XPO6: variants seen among roughly 807,000 people sequenced by gnomAD.
XPO6 encodes the protein exportin 6, also known as exportin-6.
XPO6 carries 3 observed loss-of-function variants against 130.0 expected under a neutral mutation model. That is an observed-to-expected ratio of 0.02 (90% confidence interval 0.01 to 0.06). The LOEUF is 0.06. Ranked by LOEUF, XPO6 falls within the 10% of genes least tolerant of loss-of-function variation. The pLI, the probability that XPO6 is intolerant of heterozygous loss-of-function variation, is 1.00. For missense variants in XPO6, 970 were observed against 1,393.0 expected, an observed-to-expected ratio of 0.70 and a Z score of 4.83; for synonymous variants, 524 against 548.9, an observed-to-expected ratio of 0.95 and a Z score of 0.63.
chr16:28,194,837 A>G (rs2043834206), intron 1 of XPO6, among the ~76,000 whole-genome samples: 1 of 151,720 alleles, frequency 6.6e-6, no homozygotes, highest in African/African-American at 2.4e-5. Flanking sequence ...ACCTGGCCCT[A>G]ACCTAGCTGA....
intron 17 of XPO6, among the ~76,000 whole-genome samples, chr16:28,109,236 G>A (rs2086857338): frequency 6.6e-6 from 1 of 151,804 alleles, no homozygotes; most frequent in South Asian, 2.1e-4. Context: ...AGGAGAATGG[G>A]GTGGGTAACT....
chr16:28,110,046 A>AT (rs3214135), intron 17 of XPO6, among the ~76,000 whole-genome samples: 47 of 150,194 alleles, frequency 3.1e-4, no homozygotes, highest in Admixed American at 2.0e-3. Context: ...TAGGTTTGGA[A>AT]TTTTTTTTTT....
intron 5 of XPO6, 140 bp downstream of exon 5, chr16:28,169,610 G>T: frequency 9.9e-7 from 1 of 1,009,302 alleles, no homozygotes; most frequent in Non-Finnish European, 1.5e-6. Context: ...CTGGGCTATA[G>T]GTGTTGGGAA....
chr16:28,140,006 C>T (rs1343727726), intron 9 of XPO6, among the ~76,000 whole-genome samples: 2 of 152,000 alleles, frequency 1.3e-5, no homozygotes, highest in Non-Finnish European at 2.9e-5. Context: ...CCAAGGCAGG[C>T]GGATCACCTG....
intron 1 of XPO6, among the ~76,000 whole-genome samples, chr16:28,197,346 A>T (rs2043880967): frequency 6.6e-6 from 1 of 152,212 alleles, no homozygotes. Context: ...TATTTCTAAT[A>T]CATTAATGTA....
At chr16:28,153,552 C>G in intron 7 of XPO6, 1 of 985,398 alleles carries the variant, frequency 1.0e-6, no homozygotes, top group Non-Finnish European at 1.2e-6. Context: ...AATCATTTCA[C>G]AGAAGAGTAT....
At chr16:28,183,458 C>G (rs1335642708) in intron 1 of XPO6, 1 of 145,948 alleles carries the variant, frequency 6.9e-6, no homozygotes, top group Non-Finnish European at 1.5e-5. Flanking sequence ...AACCCAGATG[C>G]ATTTTCCCAT....
At chr16:28,159,989 A>G (rs1242156963) in intron 6 of XPO6, among the ~76,000 whole-genome samples, 1 of 150,698 alleles carries the variant, frequency 6.6e-6, no homozygotes, top group Admixed American at 6.6e-5. Context: ...AATTCGAGAC[A>G]AGCCCGGCCA....
At chr16:28,125,892 C>T (rs915134255) in intron 12 of XPO6, 44 bp from the exon 13 acceptor site, 1 of 1,592,488 alleles carries the variant, frequency 6.3e-7, no homozygotes, top group South Asian at 1.1e-5. Context: ...GAAGACCACG[C>T]TTTAGATACT....
chr16:28,159,160 G>C (rs968304217), intron 6 of XPO6, among the ~76,000 whole-genome samples: 3 of 152,068 alleles, frequency 2.0e-5, no homozygotes, highest in African/African-American at 7.2e-5. Context: ...AGCCCGGGGA[G>C]GTCAAGGCTG....
rs140008518 is a variant in XPO6, at chr16:28,115,520, T to C, written c.2004+1798A>G. Among the ~76,000 whole-genome samples, 1,501 of 152,352 alleles carry C rather than the reference T, an allele frequency of 9.9e-3. 31 individuals carry two copies. Among genetic ancestry groups the C allele is most frequent in the African/African-American group, 0.034 (1,428 of 41,576 alleles). ...TTAAAATATTCAGTAAACCATGATG[T>C]AAACAGATGTGCTGTCATTCAGGCT... is the stretch of plus-strand genomic sequence containing the variant. On this transcript the variant is annotated intron_variant, in intron 15 of 23. Transcript: ENST00000304658.
chr16:28,153,328 AT>A (rs2043127388), intron 7 of XPO6: 1 of 985,578 alleles, frequency 1.0e-6, no homozygotes, highest in Admixed American at 6.1e-5. Context: ...TCTAAAAGTG[AT>A]TTCAAATATA....
chr16:28,203,274 T>C (rs1211005238), intron 1 of XPO6, among the ~76,000 whole-genome samples: 1 of 123,800 alleles, frequency 8.1e-6, no homozygotes, highest in Non-Finnish European at 1.7e-5. Context: ...AGACCCCATC[T>C]CAAAAAAAAA....
chr16:28,112,015 G>T lies in XPO6; in HGVS notation c.2152-9C>A. 6.2e-7 allele frequency: 1 copy of T among 1,606,506 alleles called. No homozygotes were observed. The highest frequency in any genetic ancestry group is 1.1e-5 in the South Asian group (1 of 90,128). Reference sequence around the variant, plus strand: ...CACACCAACACCTGGGCCTACAAGAGACCCCAAAGGCATCCATCAGAGGTC... The same window carrying T: ...CACACCAACACCTGGGCCTACAAGATACCCCAAAGGCATCCATCAGAGGTC... On this transcript the variant is annotated splice_polypyrimidine_tract_variant and intron_variant, in intron 16 of 23. Transcript: ENST00000304658.
intron 15 of XPO6, 179 bp downstream of exon 15, chr16:28,117,139 G>T: frequency 1.4e-6 from 1 of 736,736 alleles, no homozygotes; most frequent in South Asian, 2.4e-5. Context: ...AAGTAAAGTT[G>T]TATCTGAATG....
intron 7 of XPO6, chr16:28,154,410 A>ACC: frequency 1.9e-6 from 1 of 527,402 alleles, no homozygotes; most frequent in African/African-American, 2.0e-5. Flanking sequence ...TCCCTTGCCC[A>ACC]CCTTCTGGTA....
At chr16:28,115,275 T>C (rs2087025475) in intron 15 of XPO6, among the ~76,000 whole-genome samples, 1 of 152,236 alleles carries the variant, frequency 6.6e-6, no homozygotes, top group Non-Finnish European at 1.5e-5. Flanking sequence ...GCTATAGTCT[T>C]ATGAAACGTA....
intron 6 of XPO6, among the ~76,000 whole-genome samples, chr16:28,159,943 T>C (rs2043246265): frequency 6.6e-6 from 1 of 152,120 alleles, no homozygotes; most frequent in Admixed American, 6.5e-5. Context: ...CCCAGCACTT[T>C]GGGAGGCCAA....
At chr16:28,169,988 A>T in intron 4 of XPO6, 79 bp from the exon 5 acceptor site, 1 of 1,529,946 alleles carries the variant, frequency 6.5e-7, no homozygotes, top group South Asian at 1.2e-5. Context: ...TAAAGCTATG[A>T]AGCATCTGTG....
Sources: gnomAD v4.1 joint callset for allele counts (sites outside exome capture counted in the v4.1 genomes callset) on GRCh38, gnomAD v4.1.1 for gene constraint, MANE v1.5 for transcripts, NCBI Gene and HGNC (gene_info 2026-07-23, HGNC 2026-07-21) for gene names.